The following CALN1 variants were observed in gnomAD, a reference collection of about 807,000 sequenced individuals.
CALN1 encodes calneuron 1, also known as calcium-binding protein 8.
In CALN1, 17 loss-of-function variants were observed where a neutral mutation model predicts 30.6. The observed-to-expected ratio is 0.56, with a 90% CI of 0.38 to 0.83. The LOEUF (loss-of-function observed/expected upper bound fraction) is 0.83. CALN1 is among the 40% of genes least tolerant of loss of function. CALN1 has a pLI of 0.00. For missense variants in CALN1, 291 were observed against 354.9 expected (o/e 0.82, Z 1.45); for synonymous variants, 156 against 131.4 (o/e 1.19, Z -1.28).
intron 2 of CALN1, among the ~76,000 whole-genome samples, chr7:72,333,875 C>G (rs143728165): frequency 1.4e-3 from 214 of 152,216 alleles, no homozygotes; most frequent in South Asian, 5.4e-3. Context: ...AGCTGCTGAC[C>G]TAGATTCACT....
chr7:72,070,014 A>G (rs1804281433), intron 4 of CALN1, among the ~76,000 whole-genome samples: 1 of 152,162 alleles, frequency 6.6e-6, no homozygotes, highest in African/African-American at 2.4e-5. Flanking sequence ...TGGGGCACAG[A>G]AGAGAGAGAT....
intron 3 of CALN1, among the ~76,000 whole-genome samples, chr7:72,249,045 A>C (rs1795376029): frequency 6.6e-6 from 1 of 152,196 alleles, no homozygotes; most frequent in African/African-American, 2.4e-5. Flanking sequence ...ATGGATCACG[A>C]ATTTCTTCAT....
chr7:71,909,964 T>C (rs1352115167), intron 5 of CALN1, among the ~76,000 whole-genome samples: 2 of 152,252 alleles, frequency 1.3e-5, no homozygotes, highest in East Asian at 1.9e-4. Context: ...CTCCCAATCA[T>C]GGTGTAAGGT....
At chr7:72,336,085 C>T (rs1483115248) in intron 2 of CALN1, among the ~76,000 whole-genome samples, 1 of 152,206 alleles carries the variant, frequency 6.6e-6, no homozygotes, top group African/African-American at 2.4e-5. Flanking sequence ...GCAGAGGCCT[C>T]TCTGGTTACC....
intron 3 of CALN1, among the ~76,000 whole-genome samples, chr7:72,121,273 TATATA>T (rs1808366607): frequency 7.7e-6 from 1 of 130,014 alleles, no homozygotes; most frequent in South Asian, 2.3e-4. Context: ...ATATCTATAT[TATATA>T]ATAATATATA....
intron 6 of CALN1, among the ~76,000 whole-genome samples, chr7:71,800,801 C>G (rs1309351282): frequency 6.6e-6 from 1 of 151,766 alleles, no homozygotes; most frequent in East Asian, 1.9e-4. Context: ...TGTTTTGACT[C>G]AGCAATTAAA....
intron 5 of CALN1, among the ~76,000 whole-genome samples, chr7:71,977,749 T>C (rs182946966): frequency 6.6e-6 from 1 of 152,010 alleles, no homozygotes; most frequent in Non-Finnish European, 1.5e-5. Context: ...CTGGCCAACA[T>C]GGTGAAACCC....
intron 2 of CALN1, among the ~76,000 whole-genome samples, chr7:72,395,952 T>C (rs1245139414): frequency 6.6e-6 from 1 of 152,056 alleles, no homozygotes; most frequent in Non-Finnish European, 1.5e-5. Context: ...ATATATATTT[T>C]AACTCACCAG....
chr7:72,161,866 C>G (rs560858415), intron 3 of CALN1, among the ~76,000 whole-genome samples: 1 of 151,804 alleles, frequency 6.6e-6, no homozygotes, highest in South Asian at 2.1e-4. Flanking sequence ...CACATGCTCA[C>G]CTACGTAACA....
At chr7:72,197,191 T>G (rs1030087653) in intron 3 of CALN1, among the ~76,000 whole-genome samples, 5 of 132,924 alleles carry the variant, frequency 3.8e-5, no homozygotes, top group African/African-American at 1.4e-4. Context: ...TTTTTTTTTT[T>G]TTTTTTTTTT....
chr7:72,410,035 A>G (rs1038233386), intron 1 of CALN1, among the ~76,000 whole-genome samples: 1 of 151,900 alleles, frequency 6.6e-6, no homozygotes, highest in Admixed American at 6.6e-5. Context: ...ACTGAACATA[A>G]TTCTTTCTTG....
At chr7:72,148,248 A>G (rs1786925046) in intron 3 of CALN1, among the ~76,000 whole-genome samples, 2 of 147,428 alleles carry the variant, frequency 1.4e-5, no homozygotes. Context: ...ATGAGTTCAC[A>G]TCAAATGTGG....
chr7:72,248,143 T>C (rs1429260929), intron 3 of CALN1, among the ~76,000 whole-genome samples: 1 of 152,182 alleles, frequency 6.6e-6, no homozygotes, highest in African/African-American at 2.4e-5. Context: ...AGATGGAGTT[T>C]TGCTTTTGTC....
At chr7:72,454,407 G>C in the CALN1 span, among the ~76,000 whole-genome samples, 5 of 152,148 alleles carry the variant, frequency 3.3e-5, no homozygotes, top group Non-Finnish European at 7.3e-5. Flanking sequence ...CCAGCTTCAA[G>C]TAATGAACGC....
intron 2 of CALN1, among the ~76,000 whole-genome samples, chr7:72,338,780 TCAAA>T (rs1802247009): frequency 6.6e-6 from 1 of 152,128 alleles, no homozygotes. Context: ...TAGCATTCCC[TCAAA>T]CATTCATCCT....
At chr7:72,225,770 C>T (rs1236304966) in intron 3 of CALN1, among the ~76,000 whole-genome samples, 2 of 152,112 alleles carry the variant, frequency 1.3e-5, no homozygotes, top group Non-Finnish European at 2.9e-5. Context: ...CTAAGGCTTA[C>T]AATTTCAACT....
intron 3 of CALN1, among the ~76,000 whole-genome samples, chr7:72,211,503 C>T (rs1395402314): frequency 1.3e-5 from 2 of 151,900 alleles, no homozygotes. Context: ...GGCAAATGAA[C>T]TTACTCCTAT....
chr7:71,844,792 C>T (rs1261600395), intron 5 of CALN1, among the ~76,000 whole-genome samples: 1 of 152,226 alleles, frequency 6.6e-6, no homozygotes, highest in African/African-American at 2.4e-5. Context: ...CCAAATTCTG[C>T]CTTAAACTAA....
At chr7:72,351,858 G>A (rs1266277540) in intron 2 of CALN1, among the ~76,000 whole-genome samples, 1 of 152,144 alleles carries the variant, frequency 6.6e-6, no homozygotes, top group Non-Finnish European at 1.5e-5. Context: ...TAAAGAGTGT[G>A]AACCACTACC....
Sources: allele counts gnomAD v4.1 joint callset (sites outside exome capture counted in the v4.1 genomes callset), GRCh38; gene constraint gnomAD v4.1.1; transcripts MANE v1.5; gene names NCBI Gene and HGNC (gene_info 2026-07-23, HGNC 2026-07-21).